The following CATSPERB variants were observed in gnomAD, a reference collection of about 807,000 sequenced individuals.
CATSPERB encodes the protein catsper channel auxiliary subunit beta.
CATSPERB carries 93 observed loss-of-function variants against 128.3 expected under a neutral mutation model. The ratio of observed to expected loss-of-function variants is 0.72; its 90% confidence interval spans 0.61 to 0.86. The LOEUF is 0.86. Among genes scored for constraint, CATSPERB ranks in the 40% least tolerant of loss-of-function variants. The pLI, the probability that CATSPERB is intolerant of heterozygous loss-of-function variation, is 0.00. For synonymous variants in CATSPERB, 381 were observed against 448.8 expected (o/e 0.85, Z 1.91); for missense variants, 1,153 against 1,329.5 (o/e 0.87, Z 2.06).
At chr14:91,702,675 A>AACACACACACACAC (rs71461951) in intron 7 of CATSPERB, among the ~76,000 whole-genome samples, 218 of 145,588 alleles carry the variant, frequency 1.5e-3, no homozygotes, top group East Asian at 6.1e-3. Flanking sequence ...CAAAAAAGAA[A>AACACACACACACAC]ACACACACAC....
chr14:91,728,499 A>C (rs979514089), intron 2 of CATSPERB, among the ~76,000 whole-genome samples: 2 of 152,200 alleles, frequency 1.3e-5, no homozygotes, highest in Non-Finnish European at 2.9e-5. Flanking sequence ...TTATGTACTC[A>C]TATCAACAGG....
At chr14:91,636,924 GT>G (rs1260026377) in intron 16 of CATSPERB, among the ~76,000 whole-genome samples, 2 of 152,158 alleles carry the variant, frequency 1.3e-5, no homozygotes, top group Non-Finnish European at 2.9e-5. Flanking sequence ...CTTATTTGAA[GT>G]TTTATTTAGG....
intron 12 of CATSPERB, among the ~76,000 whole-genome samples, chr14:91,673,780 T>G (rs1289030147): frequency 6.6e-6 from 1 of 151,676 alleles, no homozygotes; most frequent in Non-Finnish European, 1.5e-5. Context: ...CTACTTGGTA[T>G]GCTGAGGCAG....
chr14:91,726,089 G>T (rs1051831276), intron 2 of CATSPERB, among the ~76,000 whole-genome samples: 16 of 152,178 alleles, frequency 1.1e-4, no homozygotes, highest in African/African-American at 3.9e-4. Flanking sequence ...CATCTGTCCT[G>T]CTGAGAGACA....
chr14:91,691,247 T>C (rs1895466206), intron 10 of CATSPERB, among the ~76,000 whole-genome samples: 1 of 152,096 alleles, frequency 6.6e-6, no homozygotes, highest in Non-Finnish European at 1.5e-5. Context: ...GGACATAGCA[T>C]AGGAAACGGG....
At chr14:91,611,267 T>G (rs1893820388) in intron 20 of CATSPERB, among the ~76,000 whole-genome samples, 1 of 152,202 alleles carries the variant, frequency 6.6e-6, no homozygotes, top group Non-Finnish European at 1.5e-5. Flanking sequence ...AGAAATATAT[T>G]CCAATCTAAT....
intron 4 of CATSPERB, among the ~76,000 whole-genome samples, chr14:91,721,516 G>A (rs564025407): frequency 6.6e-6 from 1 of 152,120 alleles, no homozygotes; most frequent in Non-Finnish European, 1.5e-5. Flanking sequence ...AAATGATAAT[G>A]AGATAGCACT....
rs116736901 is a variant in CATSPERB, at chr14:91,591,400, G to A, written c.2820+492C>T. 2.9e-3 allele frequency among the ~76,000 whole-genome samples: 440 copies of A among 152,130 alleles called. 1 individual carries two copies. The highest frequency in any genetic ancestry group is 0.01 in the African/African-American group (416 of 41,506). The stretch of plus-strand genomic sequence containing the variant: ...TCTAATGCAAATTTTGATACTAACA[G>A]AATAAAACATTATTTGACACAGAAG... On this transcript the variant is annotated intron_variant, in intron 23 of 26. Transcript: ENST00000256343.
Position 91,708,252 on chromosome 14 carries a change from A to G in CATSPERB, c.371-16T>C. The G allele has an allele frequency of 6.7e-7, 1 of 1,499,518 alleles. No individual in the cohort carries two copies. The highest frequency in any genetic ancestry group is 9.2e-7 in the Non-Finnish European group (1 of 1,084,812). 92.9% of individuals were successfully genotyped at this position (1,499,518 alleles called of 1,614,324 possible). A position where few individuals can be genotyped will look rare whatever the true frequency, so the allele number is the denominator to read the frequency against. On this transcript the variant is annotated splice_polypyrimidine_tract_variant and intron_variant, in intron 5 of 26. Coordinates refer to ENST00000256343, the MANE Select transcript of CATSPERB (RefSeq NM_024764.4). The stretch of plus-strand genomic sequence containing the variant: ...GCTGCAATATCTGTTTGAAAACAAA[A>G]GGCAAATAATCAACTATTTTTTCAT...
At chr14:91,710,850 T>TA (rs1415885928) in intron 5 of CATSPERB, among the ~76,000 whole-genome samples, 1 of 152,166 alleles carries the variant, frequency 6.6e-6, no homozygotes, top group African/African-American at 2.4e-5. Flanking sequence ...TTTTTTACCA[T>TA]ATCTTGCTGT....
chr14:91,591,378 A>G (rs1470735537), intron 23 of CATSPERB, among the ~76,000 whole-genome samples: 2 of 152,104 alleles, frequency 1.3e-5, no homozygotes, highest in East Asian at 3.9e-4. Context: ...TGACTCTTCT[A>G]ATGCAAATTT....
chr14:91,703,270 A>G (rs936864458), intron 7 of CATSPERB, among the ~76,000 whole-genome samples: 1 of 152,192 alleles, frequency 6.6e-6, no homozygotes, highest in African/African-American at 2.4e-5. Flanking sequence ...ATTGTGATAT[A>G]ACGAGAAATA....
chr14:91,680,347 C>T (rs1895259150), intron 11 of CATSPERB, among the ~76,000 whole-genome samples: 1 of 152,130 alleles, frequency 6.6e-6, no homozygotes, highest in African/African-American at 2.4e-5. Flanking sequence ...GGTTTTGAGG[C>T]ATAAACTTAG....
In CATSPERB at chr14:91,704,605, G is replaced by A; in HGVS notation, c.563C>T (p.Pro188Leu). The change falls in exon 7 of 27, where the codon CCC (proline) becomes CTC (leucine). Residue 188 changes from proline to leucine, a missense_variant. Physicochemically the swap from Pro to Leu is moderately conservative, Grantham distance 98. Coordinates refer to ENST00000256343, the MANE Select transcript of CATSPERB (RefSeq NM_024764.4). ...TAGTAATGCCACATCATTGGCACAG[G>A]GGCATTTTGTCACTTTGAGATCTAC... ...HVVDLKVTKC[P>L]CANDVALLGF... 5.0e-6 allele frequency: 8 copies of A among 1,611,578 alleles called. No homozygotes were observed. Among genetic ancestry groups the A allele is most frequent in the Non-Finnish European group, 6.8e-6 (8 of 1,179,158 alleles).
At chr14:91,724,990 G>T in intron 3 of CATSPERB, 90 bp downstream of exon 3, 1 of 510,660 alleles carries the variant, frequency 2.0e-6, no homozygotes. Flanking sequence ...ATAGTAGAGG[G>T]TATTTGGAAA....
intron 20 of CATSPERB, among the ~76,000 whole-genome samples, chr14:91,617,090 C>T (rs926666298): frequency 1.3e-5 from 2 of 151,892 alleles, no homozygotes; most frequent in African/African-American, 2.4e-5. Context: ...TGTAATTAAC[C>T]GTATACACAT....
intron 2 of CATSPERB, among the ~76,000 whole-genome samples, chr14:91,728,892 A>G (rs1896163615): frequency 6.6e-6 from 1 of 152,244 alleles, no homozygotes; most frequent in Non-Finnish European, 1.5e-5. Flanking sequence ...TCACAGTTAT[A>G]CAACCACAAC....
At chr14:91,608,702 CA>C (rs1893762945) in intron 21 of CATSPERB, among the ~76,000 whole-genome samples, 1 of 152,126 alleles carries the variant, frequency 6.6e-6, no homozygotes. Flanking sequence ...AATAATTCTT[CA>C]AGTTTGGTTA....
At chr14:91,684,762 A>G (rs1895345236) in intron 10 of CATSPERB, among the ~76,000 whole-genome samples, 1 of 151,472 alleles carries the variant, frequency 6.6e-6, no homozygotes, top group South Asian at 2.1e-4. Flanking sequence ...TTATAGTCAC[A>G]CGCCACCACG....
Sources: gnomAD v4.1 joint callset for allele counts (sites outside exome capture counted in the v4.1 genomes callset) on GRCh38, gnomAD v4.1.1 for gene constraint, MANE v1.5 for transcripts, NCBI Gene and HGNC (gene_info 2026-07-23, HGNC 2026-07-21) for gene names.